MTMR11: variants seen among roughly 807,000 people sequenced by gnomAD.
The protein encoded by MTMR11 is myotubularin-related protein 11.
In MTMR11, 89 loss-of-function variants were observed where a neutral mutation model predicts 100.0. The observed-to-expected ratio is 0.89, with a 90% confidence interval of 0.75 to 1.06. The LOEUF is 1.06. Ranked by LOEUF, MTMR11 falls within the 50% of genes least tolerant of loss-of-function variation. MTMR11 has a pLI of 0.00. For missense variants in MTMR11, 809 were observed against 873.7 expected, an observed-to-expected ratio of 0.93 and a Z score of 0.93; for synonymous variants, 336 against 326.3, an observed-to-expected ratio of 1.03 and a Z score of -0.32.
intron 8 of MTMR11, 68 bp downstream of exon 8, chr1:149,933,787 C>T: frequency 6.2e-7 from 1 of 1,606,212 alleles, no homozygotes; most frequent in Non-Finnish European, 8.5e-7. Context: ...AGAGGTTCCT[C>T]CCTCCACGAT....
chr1:149,934,089 G>C, intron 7 of MTMR11, 102 bp downstream of exon 7: 1 of 1,575,474 alleles, frequency 6.3e-7, no homozygotes, highest in Non-Finnish European at 8.7e-7. Context: ...CTTTGTGGGT[G>C]TCCTAGGAGG....
rs587666633 is a variant in MTMR11 at position 149,928,869 on chromosome 1, A to G, written c.*260T>C. The G allele has an allele frequency of 3.1e-6, 5 of 1,613,202 alleles. No homozygotes were observed. Among genetic ancestry groups the G allele is most frequent in the Non-Finnish European group, 4.2e-6 (5 of 1,179,178 alleles). ...AACAGCATCTCTGATCTCATGATTT[A>G]ACATCTGGTTATCCAGAAGGGATGG... On this transcript the variant is annotated 3_prime_UTR_variant, in exon 17 of 17. Transcript: ENST00000439741.
At position 149,929,114 on chromosome 1, in the gene MTMR11, A is replaced by G; in HGVS notation, c.*15T>C. 1 of 1,585,398 alleles carries G rather than the reference A, an allele frequency of 6.3e-7. No homozygotes were observed. The highest frequency in any genetic ancestry group is 8.6e-7 in the Non-Finnish European group (1 of 1,168,228). ...GATACAAAAAAAAAAAAAAAAGATT[A>G]GACAGAACCCTCCTCTACCCCAGAT... On this transcript the variant is annotated 3_prime_UTR_variant, in exon 17 of 17. Transcript: ENST00000439741.
intron 8 of MTMR11, 76 bp from the exon 9 acceptor site, chr1:149,933,774 CA>C: frequency 6.2e-7 from 1 of 1,608,344 alleles, no homozygotes; most frequent in African/African-American, 1.3e-5. Context: ...ACACTGACCT[CA>C]CAGAGGTTCC....
chr1:149,936,672 A>G lies in MTMR11; in HGVS notation c.-25T>C. Reference sequence around the variant, plus strand: ...TTTCTCTGGCTCCATCCGGGGACACAGCAGTTAAGGGTGGGAAACCTCAAG... The same window carrying G: ...TTTCTCTGGCTCCATCCGGGGACACGGCAGTTAAGGGTGGGAAACCTCAAG... On this transcript the variant is annotated 5_prime_UTR_variant, in exon 1 of 17. Coordinates refer to ENST00000439741, the MANE Select transcript of MTMR11 (RefSeq NM_001145862.2). 6.7e-7 allele frequency: 1 copy of G among 1,500,060 alleles called. No individual in the cohort carries two copies. The highest frequency in any genetic ancestry group is 9.1e-7 in the Non-Finnish European group (1 of 1,100,162). The allele number at this position is 1,500,060 out of a possible 1,614,324, so 92.9% of individuals were successfully genotyped here. A position where few individuals can be genotyped will look rare whatever the true frequency, so the allele number is the denominator to read the frequency against.
intron 3 of MTMR11, 44 bp from the exon 4 acceptor site, chr1:149,935,403 A>G (rs781880172): frequency 1.2e-6 from 2 of 1,607,962 alleles, no homozygotes; most frequent in South Asian, 1.1e-5. Flanking sequence ...AATCGCCCTC[A>G]TTTTCCTACC....
At chr1:149,930,029 G>A (rs782137960) in intron 15 of MTMR11, 113 bp from the exon 16 acceptor site, 411 of 1,129,256 alleles carry the variant, frequency 3.6e-4, no homozygotes, top group Admixed American at 1.6e-3. Flanking sequence ...CTGGTGACTA[G>A]AACTACAAGC....
In MTMR11 at chr1:149,936,742, G is replaced by A. The variant is rs2092727637; in HGVS notation, c.-95C>T. ...GAGAGGCTGAGTCTTGTTGAGAAGA[G>A]GGGTGTTAGGGAGAGGGGTAGGGGG... On this transcript the variant is annotated 5_prime_UTR_variant, in exon 1 of 17. Coordinates refer to ENST00000439741, the MANE Select transcript of MTMR11 (RefSeq NM_001145862.2). The A allele has an allele frequency of 6.1e-6, 5 of 818,628 alleles. No homozygotes were observed. The Admixed American group carries it at 8.6e-5, about 14-fold the overall frequency. The allele number at this position is 818,628 out of a possible 1,614,324, so 50.7% of individuals were successfully genotyped here.
Position 149,935,667 on chromosome 1 carries a change from C to T in MTMR11, c.181G>A (p.Gly61Ser), listed in dbSNP as rs373257520. 72 of 1,613,454 alleles carry T rather than the reference C, an allele frequency of 4.5e-5. No homozygotes were observed. Among genetic ancestry groups the T allele is most frequent in the Non-Finnish European group, 5.7e-5 (67 of 1,179,748 alleles). The change falls in exon 3 of 17, where the codon GGC (glycine) becomes AGC (serine). Residue 61 changes from glycine (G) to serine (S), a missense_variant. Gly to Ser is a moderately conservative substitution (Grantham distance 56). Transcript: ENST00000439741. ...ILAWAPGVRK[G>S]LEPELSGTLI... ...GTTCCAGACAATTCTGGTTCCAGGC[C>T]CTTCCTCACCCCTGGGGCCCATGCT...
At position 149,935,296 on chromosome 1, in the gene MTMR11, T is replaced by C; in HGVS notation, c.325+3A>G. On this transcript the variant is annotated splice_donor_region_variant and intron_variant, in intron 4 of 16. Transcript: ENST00000439741. ...CCCTTCACCAAACCCCCCCCCAACT[T>C]ACCAGCCTCTAATCGTCCAATGTTG... The C allele has an allele frequency of 6.2e-7, 1 of 1,610,834 alleles. No individual in the cohort carries two copies. The highest frequency in any genetic ancestry group is 8.5e-7 in the Non-Finnish European group (1 of 1,177,978).
intron 12 of MTMR11, 28 bp downstream of exon 12, chr1:149,931,916 A>T: frequency 6.3e-7 from 1 of 1,579,320 alleles, no homozygotes. Context: ...GAGGCAAGGA[A>T]TGGAATGGGC....
In MTMR11 at chr1:149,930,451, G is replaced by A. The variant is rs782442772; in HGVS notation, c.1561C>T (p.Arg521Cys). 21 of 1,613,850 alleles carry A rather than the reference G, an allele frequency of 1.3e-5. No individual in the cohort carries two copies. The highest frequency in any genetic ancestry group is 2.2e-5 in the East Asian group (1 of 44,894). Residue 521 changes from arginine to cysteine, a missense_variant, in exon 15 of 17, where the codon CGT (arginine) becomes TGT (cysteine). Coordinates refer to ENST00000439741, the MANE Select transcript of MTMR11 (RefSeq NM_001145862.2). ...TGTAGTATCTGTGCATTGCTATAAC[G>A]TAAATCCCAGTCCCAGACAGACAGC... is the stretch of plus-strand genomic sequence containing the variant. ...LQLSVWDWDL[R>C]YSNAQILQFQ...
rs781838436 is a variant in MTMR11 at position 149,934,428 on chromosome 1, C to T, written c.547+20G>A. 6.2e-7 allele frequency: 1 copy of T among 1,614,032 alleles called. No homozygotes were observed. Among genetic ancestry groups the T allele is most frequent in the Non-Finnish European group, 8.5e-7 (1 of 1,179,918 alleles). On this transcript the variant is annotated intron_variant, in intron 6 of 16. Coordinates refer to ENST00000439741, the MANE Select transcript of MTMR11 (RefSeq NM_001145862.2). Reference sequence around the variant, plus strand: ...TCTGCTTTTTCAGACTCTTCCTTACCCTAAAGCACTCTCACTCACCAGCCT... The same window carrying T: ...TCTGCTTTTTCAGACTCTTCCTTACTCTAAAGCACTCTCACTCACCAGCCT...
At chr1:149,931,868 C>G (rs1443410861) in intron 12 of MTMR11, 76 bp downstream of exon 12, 2 of 1,339,918 alleles carry the variant, frequency 1.5e-6, no homozygotes, top group Non-Finnish European at 2.1e-6. Flanking sequence ...TATGGGTCTC[C>G]CTCCCTGAAT....
rs782179105 is a variant in MTMR11 at position 149,928,925 on chromosome 1, G to C, written c.*204C>G. The C allele has an allele frequency of 6.2e-7, 1 of 1,614,046 alleles. No homozygotes were observed. The highest frequency in any genetic ancestry group is 1.1e-5 in the South Asian group (1 of 91,058). On this transcript the variant is annotated 3_prime_UTR_variant, in exon 17 of 17. Transcript: ENST00000439741. ...GCCTAAAAAAACCGATCAATTTCTGGATTGTTTTTGTTTCTTAATCCTTCA... is the reference window on the plus strand; with the variant it reads ...GCCTAAAAAAACCGATCAATTTCTGCATTGTTTTTGTTTCTTAATCCTTCA...
At chr1:149,933,575 C>G in intron 9 of MTMR11, 35 bp downstream of exon 9, 7 of 1,614,132 alleles carry the variant, frequency 4.3e-6, no homozygotes, top group Non-Finnish European at 5.9e-6. Context: ...CCCTGAGCAC[C>G]TAACCCTTGA....
At chr1:149,935,770 C>T in intron 2 of MTMR11, 65 bp from the exon 3 acceptor site, 2 of 1,487,892 alleles carry the variant, frequency 1.3e-6, no homozygotes, top group East Asian at 5.0e-5. Flanking sequence ...TGGATACACC[C>T]ACCCCTCCAA....
In MTMR11 at chr1:149,935,071, G is replaced by A; in HGVS notation, c.383C>T (p.Pro128Leu). The A allele has an allele frequency of 6.2e-7, 1 of 1,614,170 alleles. No individual in the cohort carries two copies. The highest frequency in any genetic ancestry group is 1.1e-5 in the South Asian group (1 of 91,082). ...LRPGSLHKFI[P>L]EEILIHGRDF... ...TCGGCCATGAATCAGAATCTCCTCA[G>A]GGATAAATTTATGCAGGGACCCTGG... Residue 128 changes from proline (P) to leucine (L), a missense_variant, in exon 5 of 17, where the codon CCT (proline) becomes CTT (leucine). By Grantham distance (98) the Pro-to-Leu change is moderately conservative. Coordinates refer to ENST00000439741, the MANE Select transcript of MTMR11 (RefSeq NM_001145862.2).
At chr1:149,936,373 G>A in intron 1 of MTMR11, 144 bp from the exon 2 acceptor site, 2 of 1,476,104 alleles carry the variant, frequency 1.4e-6, no homozygotes, top group South Asian at 1.4e-5. Context: ...ACCTAACAGG[G>A]CTGGTAAACA....
Sources: gnomAD v4.1 joint callset for allele counts on GRCh38, gnomAD v4.1.1 for gene constraint, MANE v1.5 for transcripts, NCBI Gene and HGNC (gene_info 2026-07-23, HGNC 2026-07-21) for gene names.